The following TRAPPC3 variants were observed in gnomAD, a reference collection of about 807,000 sequenced individuals.
The protein encoded by TRAPPC3 is trafficking protein particle complex subunit 3.
A neutral mutation model predicts 18.2 loss-of-function variants in TRAPPC3; 5 were observed. The observed-to-expected ratio is 0.28, with a 90% CI of 0.14 to 0.58. TRAPPC3 has a LOEUF of 0.58. TRAPPC3 is among the 20% of genes least tolerant of loss of function. The pLI is 0.91. For synonymous variants in TRAPPC3, 65 were observed against 84.2 expected, an observed-to-expected ratio of 0.77 and a Z score of 1.25; for missense variants, 176 against 225.9, an observed-to-expected ratio of 0.78 and a Z score of 1.41.
chr1:36,137,087 T>C lies in TRAPPC3; in HGVS notation c.*116A>G. 1 of 1,246,762 alleles carries C rather than the reference T, an allele frequency of 8.0e-7. No individual in the cohort carries two copies. 77.2% of individuals were successfully genotyped at this position (1,246,762 alleles called of 1,614,324 possible). A position where few individuals can be genotyped will look rare whatever the true frequency, so the allele number is the denominator to read the frequency against. On this transcript the variant is annotated 3_prime_UTR_variant, in exon 5 of 5. Coordinates refer to ENST00000373166, the MANE Select transcript of TRAPPC3 (RefSeq NM_014408.5). ...TTGAATGGAGAATGGAAACAGGTTA[T>C]AAGAATATATAACATCCATGTTCAA... is the stretch of plus-strand genomic sequence containing the variant.
rs1644036236 is a variant in TRAPPC3 at position 36,137,109 on chromosome 1, T to C, written c.*94A>G. 2.2e-5 allele frequency: 31 copies of C among 1,426,376 alleles called. No individual in the cohort carries two copies. The South Asian group carries it at 3.7e-4, about 17-fold the overall frequency. The allele number at this position is 1,426,376 out of a possible 1,614,324, so 88.4% of individuals were successfully genotyped here. A position where few individuals can be genotyped will look rare whatever the true frequency, so the allele number is the denominator to read the frequency against. ...TTATAAGAATATATAACATCCATGT[T>C]CAAGAGTCACTGAGTTCTGGAGGGC... is the stretch of plus-strand genomic sequence containing the variant. On this transcript the variant is annotated 3_prime_UTR_variant, in exon 5 of 5. Coordinates refer to ENST00000373166, the MANE Select transcript of TRAPPC3 (RefSeq NM_014408.5).
Position 36,140,295 on chromosome 1 carries a change from C to T in TRAPPC3, c.43-129G>A, listed in dbSNP as rs570910507. ...GTGTCTGGAGGGAAAGAACATCATC[C>T]CCTTTGGAGGAGCCAGGAAATTTGG... On this transcript the variant is annotated intron_variant, in intron 1 of 4. Transcript: ENST00000373166. 143 of 591,892 alleles carry T rather than the reference C, an allele frequency of 2.4e-4. No individual in the cohort carries two copies. In the East Asian group the frequency reaches 4.5e-3, roughly 19 times the overall value. The allele number at this position is 591,892 out of a possible 1,614,324, so 36.7% of individuals were successfully genotyped here.
At chr1:36,145,714 A>G (rs555856625) in intron 1 of TRAPPC3, among the ~76,000 whole-genome samples, 1 of 152,320 alleles carries the variant, frequency 6.6e-6, no homozygotes, top group South Asian at 2.1e-4. Flanking sequence ...CTAGCTTTAC[A>G]TGCATTCTCT....
chr1:36,155,867 C>T (rs1157565115), intron 1 of TRAPPC3: 2 of 152,334 alleles, frequency 1.3e-5, no homozygotes, highest in East Asian at 1.9e-4. Context: ...GGGTGAGTCA[C>T]CCGAGCGCTC....
At chr1:36,152,575 G>A (rs556256274), upstream of TRAPPC3, among the ~76,000 whole-genome samples, 1 of 152,254 alleles carries the variant, frequency 6.6e-6, no homozygotes, top group Non-Finnish European at 1.5e-5. Flanking sequence ...CTCCCAGAGT[G>A]CTGGGATTAC....
At chr1:36,151,533 C>T (rs566882121), upstream of TRAPPC3, among the ~76,000 whole-genome samples, 3 of 152,182 alleles carry the variant, frequency 2.0e-5, no homozygotes, top group East Asian at 5.8e-4. Flanking sequence ...ATTGCTTGAG[C>T]CCAGGAGGTG....
In TRAPPC3 at chr1:36,138,194, C is replaced by CTTTGT. The variant is rs368481880; in HGVS notation, c.241-221_241-217dup. 1,160 of 1,549,710 alleles carry CTTTGT rather than the reference C, an allele frequency of 7.5e-4. 5 individuals are homozygous for CTTTGT. In the African/African-American group the frequency reaches 0.014, roughly 18 times the overall value. On this transcript the variant is annotated intron_variant, in intron 3 of 4. Coordinates refer to ENST00000373166, the MANE Select transcript of TRAPPC3 (RefSeq NM_014408.5). ...CGGCATCATACAGTTTTGCCTGTCG[C>CTTTGT]TTTGTTTTGTTTTGTTTTCCCAGAA... is the stretch of plus-strand genomic sequence containing the variant.
Position 36,137,322 on chromosome 1 carries a change from C to T in TRAPPC3, c.424G>A (p.Val142Ile), listed in dbSNP as rs1644039543. 2 of 1,608,842 alleles carry T rather than the reference C, an allele frequency of 1.2e-6. No homozygotes were observed. The highest frequency in any genetic ancestry group is 1.7e-6 in the Non-Finnish European group (2 of 1,175,680). The part of the protein sequence containing the change: ...CGVLRGALEM[V>I]QMAVEAKFVQ... ...AACTTGGCCTCCACAGCCATCTGGACCTGGGGGACAGTGGGAAAACGAAGG... is the reference window on the plus strand; with the variant it reads ...AACTTGGCCTCCACAGCCATCTGGATCTGGGGGACAGTGGGAAAACGAAGG... Residue 142 changes from valine (V) to isoleucine (I), a missense_variant and splice_region_variant, in exon 5 of 5, where the codon GTC (valine) becomes ATC (isoleucine). Val to Ile is a conservative substitution (Grantham distance 29, BLOSUM62 3). Coordinates refer to ENST00000373166, the MANE Select transcript of TRAPPC3 (RefSeq NM_014408.5).
At chr1:36,139,652 G>C in intron 3 of TRAPPC3, 68 bp downstream of exon 3, 6 of 1,597,648 alleles carry the variant, frequency 3.8e-6, no homozygotes, top group Non-Finnish European at 5.1e-6. Context: ...AAGGGAGATA[G>C]AAAGAGTGGT....
At chr1:36,153,076 G>A (rs570178569), upstream of TRAPPC3, among the ~76,000 whole-genome samples, 4 of 152,166 alleles carry the variant, frequency 2.6e-5, no homozygotes, top group African/African-American at 4.8e-5. Flanking sequence ...CCTGGGCCAC[G>A]ATCTCCTACT....
chr1:36,137,695 G>C (rs572883212), intron 4 of TRAPPC3, 101 bp downstream of exon 4: 588 of 1,281,972 alleles, frequency 4.6e-4, no homozygotes, highest in South Asian at 2.4e-3. Flanking sequence ...AAAGCGCTGG[G>C]GTGAGCCAAA....
At chr1:36,154,369 TC>T (rs1644294833), upstream of TRAPPC3, among the ~76,000 whole-genome samples, 2 of 152,052 alleles carry the variant, frequency 1.3e-5, no homozygotes, top group Non-Finnish European at 1.5e-5. Flanking sequence ...TCCATCTCCA[TC>T]CCTGCAGTAA....
intron 1 of TRAPPC3, chr1:36,155,794 C>CA (rs1644314209): frequency 6.6e-6 from 1 of 152,554 alleles, no homozygotes; most frequent in Non-Finnish European, 1.5e-5. Context: ...CCAGAGCCCC[C>CA]AAACTCCAGG....
In TRAPPC3 at chr1:36,149,426, G is replaced by T. The variant is rs1433261738; in HGVS notation, c.-48C>A. On this transcript the variant is annotated 5_prime_UTR_variant, in exon 1 of 5. Transcript: ENST00000373166. Reference sequence around the variant, plus strand: ...TCGCCTAGCCACGGGTTAGCTCGGCGACCCCTGCAGACGCCGGAGCCTAAG... The same window carrying T: ...TCGCCTAGCCACGGGTTAGCTCGGCTACCCCTGCAGACGCCGGAGCCTAAG... 6.2e-7 allele frequency: 1 copy of T among 1,604,496 alleles called. No individual in the cohort carries two copies. Among genetic ancestry groups the T allele is most frequent in the Non-Finnish European group, 8.5e-7 (1 of 1,176,162 alleles).
At chr1:36,146,777 T>C (rs1644208551) in intron 1 of TRAPPC3, among the ~76,000 whole-genome samples, 1 of 150,576 alleles carries the variant, frequency 6.6e-6, no homozygotes, top group Non-Finnish European at 1.5e-5. Context: ...ATATATGGTA[T>C]ACATTTCTGT....
upstream of TRAPPC3, among the ~76,000 whole-genome samples, chr1:36,152,295 C>CT (rs11364641): frequency 0.091 from 12,396 of 135,520 alleles, 695 homozygotes; most frequent in Non-Finnish European, 0.12. Flanking sequence ...ATTTCTTTTT[C>CT]TTTTTTTTTT....
At chr1:36,138,039 G>C in intron 3 of TRAPPC3, 61 bp from the exon 4 acceptor site, 1 of 1,609,708 alleles carries the variant, frequency 6.2e-7, no homozygotes. Context: ...CCACAGGGAA[G>C]GTGACAGAAC....
intron 1 of TRAPPC3, among the ~76,000 whole-genome samples, chr1:36,144,974 C>T (rs765117443): frequency 2.6e-5 from 4 of 152,122 alleles, no homozygotes; most frequent in Admixed American, 6.5e-5. Flanking sequence ...CCTTTCTTCC[C>T]GTTAGTGCCC....
intron 1 of TRAPPC3, among the ~76,000 whole-genome samples, chr1:36,144,229 G>C (rs1007826755): frequency 2.3e-5 from 3 of 127,708 alleles, no homozygotes; most frequent in African/African-American, 9.1e-5. Context: ...CGGAGGTTGC[G>C]GTAAGCCAAG....
Sources: allele counts gnomAD v4.1 joint callset (sites outside exome capture counted in the v4.1 genomes callset), GRCh38; gene constraint gnomAD v4.1.1; transcripts MANE v1.5; gene names NCBI Gene and HGNC (gene_info 2026-07-23, HGNC 2026-07-21).